ESRRG: variants seen among roughly 807,000 people sequenced by gnomAD.
ESRRG encodes the protein estrogen-related receptor gamma.
ESRRG carries 13 observed loss-of-function variants against 44.0 expected under a neutral mutation model. That is an observed-to-expected ratio of 0.30 (90% confidence interval 0.19 to 0.47). The LOEUF (loss-of-function observed/expected upper bound fraction) is 0.47, where lower values mean the gene tolerates loss of function less well. Ranked by LOEUF, ESRRG falls within the 20% of genes least tolerant of loss-of-function variation. ESRRG has a pLI of 1.00. For missense variants in ESRRG, 395 were observed against 580.6 expected (o/e 0.68, Z 3.29); for synonymous variants, 215 against 214.6 (o/e 1.00, Z -0.02).
intron 2 of ESRRG, among the ~76,000 whole-genome samples, chr1:216,782,250 T>A (rs572544434): frequency 1.3e-5 from 2 of 152,046 alleles, no homozygotes; most frequent in Non-Finnish European, 2.9e-5. Flanking sequence ...TTCTTTTTGG[T>A]CCAGGGACAG....
intron 1 of ESRRG, among the ~76,000 whole-genome samples, chr1:217,082,784 C>A (rs2091854904): frequency 2.0e-5 from 3 of 152,092 alleles, no homozygotes; most frequent in Non-Finnish European, 4.4e-5. Context: ...TTTCCTCACT[C>A]CCCCTGTTCA....
intron 2 of ESRRG, among the ~76,000 whole-genome samples, chr1:216,840,484 G>A (rs912304413): frequency 6.6e-6 from 1 of 150,378 alleles, no homozygotes; most frequent in African/African-American, 2.5e-5. Flanking sequence ...TATCATTGGT[G>A]TGTCCACTGG....
At chr1:216,874,229 C>T (rs951877470) in intron 2 of ESRRG, among the ~76,000 whole-genome samples, 2 of 152,132 alleles carry the variant, frequency 1.3e-5, no homozygotes, top group African/African-American at 4.8e-5. Flanking sequence ...ATTTCCAGTT[C>T]TGATCTCCTA....
Position 217,043,812 on chromosome 1 carries a change from A to T in ESRRG, c.-106+45695T>A, listed in dbSNP as rs554908720. Among the ~76,000 whole-genome samples, 30 of 152,288 alleles carry T rather than the reference A, an allele frequency of 2.0e-4. No homozygotes were observed. The South Asian group carries it at 5.8e-3, about 30-fold the overall frequency. ...CAAAATAGAGAGCTAAATGTCAGTT[A>T]TCTGGGATTACAGAAAATATAGATA... On this transcript the variant is annotated intron_variant, in intron 1 of 7. Transcript: ENST00000359162.
chr1:216,957,905 C>T (rs1435530376), intron 1 of ESRRG, among the ~76,000 whole-genome samples: 3 of 152,184 alleles, frequency 2.0e-5, no homozygotes, highest in East Asian at 1.9e-4. Flanking sequence ...ACATTCCTAT[C>T]ATCCCCAAAA....
chr1:216,738,976 A>G (rs1046568084), intron 2 of ESRRG, among the ~76,000 whole-genome samples: 1 of 152,154 alleles, frequency 6.6e-6, no homozygotes, highest in South Asian at 2.1e-4. Context: ...TTAGCCTCTC[A>G]AAGCACTGGG....
At chr1:216,604,345 C>T (rs7544758) in intron 3 of ESRRG, among the ~76,000 whole-genome samples, 54,259 of 151,982 alleles carry the variant, frequency 0.36, 9,849 homozygotes, top group East Asian at 0.44. Context: ...AAGCCAGTGG[C>T]CAGTGCTCGG....
intron 2 of ESRRG, among the ~76,000 whole-genome samples, chr1:216,921,979 T>C (rs2061904021): frequency 6.6e-6 from 1 of 152,180 alleles, no homozygotes; most frequent in South Asian, 2.1e-4. Context: ...GTGAAGGTTG[T>C]AATCTTTGAA....
intron 2 of ESRRG, among the ~76,000 whole-genome samples, chr1:216,786,833 C>T (rs2094142760): frequency 6.6e-6 from 1 of 152,104 alleles, no homozygotes; most frequent in African/African-American, 2.4e-5. Flanking sequence ...CACTAAGTGT[C>T]TAAGACTCCA....
chr1:216,968,424 G>A (rs1422114029), intron 1 of ESRRG, among the ~76,000 whole-genome samples: 2 of 152,108 alleles, frequency 1.3e-5, no homozygotes. Context: ...TAAGATCTAT[G>A]TCTAGATTCA....
At chr1:217,044,191 T>A (rs1006307949) in intron 1 of ESRRG, among the ~76,000 whole-genome samples, 1 of 152,146 alleles carries the variant, frequency 6.6e-6, no homozygotes, top group African/African-American at 2.4e-5. Context: ...CAATAGATCA[T>A]TCTGACATTC....
chr1:216,566,031 A>G (rs2059629545), intron 4 of ESRRG, among the ~76,000 whole-genome samples: 1 of 152,238 alleles, frequency 6.6e-6, no homozygotes, highest in East Asian at 1.9e-4. Flanking sequence ...ATCCAAGTCA[A>G]TGGATACTTG....
chr1:217,094,049 T>C (rs927108198), upstream of ESRRG, among the ~76,000 whole-genome samples: 3 of 151,780 alleles, frequency 2.0e-5, no homozygotes, highest in African/African-American at 7.3e-5. Flanking sequence ...TGCCCAGCTA[T>C]TTTTTTAAAC....
intron 5 of ESRRG, among the ~76,000 whole-genome samples, chr1:216,526,307 A>C (rs1308456379): frequency 6.6e-6 from 1 of 152,160 alleles, no homozygotes; most frequent in Non-Finnish European, 1.5e-5. Context: ...TGATCACATT[A>C]AGATGAGGTC....
chr1:216,783,309 C>T (rs986838043), intron 2 of ESRRG, among the ~76,000 whole-genome samples: 6 of 152,044 alleles, frequency 3.9e-5, no homozygotes, highest in Non-Finnish European at 7.4e-5. Flanking sequence ...CTAATGACAA[C>T]TACCACACAT....
At chr1:216,744,789 C>G (rs2091198700) in intron 2 of ESRRG, among the ~76,000 whole-genome samples, 1 of 152,168 alleles carries the variant, frequency 6.6e-6, no homozygotes, top group Non-Finnish European at 1.5e-5. Context: ...GAAGCTACAT[C>G]AGCCTTCATG....
intron 1 of ESRRG, among the ~76,000 whole-genome samples, chr1:217,124,438 C>T (rs568011305): frequency 1.4e-4 from 21 of 152,218 alleles, no homozygotes; most frequent in African/African-American, 3.9e-4. Context: ...ATGTACTTAA[C>T]GAACAATAAA....
chr1:216,905,725 C>T (rs1424881065), intron 2 of ESRRG, among the ~76,000 whole-genome samples: 3 of 152,048 alleles, frequency 2.0e-5, no homozygotes, highest in African/African-American at 7.2e-5. Context: ...ACTAATATAC[C>T]TGTTAAATAA....
intron 2 of ESRRG, among the ~76,000 whole-genome samples, chr1:216,731,196 T>C (rs2088698698): frequency 6.6e-6 from 1 of 152,236 alleles, no homozygotes; most frequent in African/African-American, 2.4e-5. Context: ...AAAATTTCTG[T>C]ATTAAGGATT....
Sources: gnomAD v4.1 joint callset for allele counts (sites outside exome capture counted in the v4.1 genomes callset) on GRCh38, gnomAD v4.1.1 for gene constraint, MANE v1.5 for transcripts, NCBI Gene and HGNC (gene_info 2026-07-23, HGNC 2026-07-21) for gene names.